ERGIC1: variants seen among roughly 807,000 people sequenced by gnomAD.
ERGIC1 encodes the protein endoplasmic reticulum-Golgi intermediate compartment protein 1.
ERGIC1 carries 19 observed loss-of-function variants against 38.3 expected under a neutral mutation model. The ratio of observed to expected loss-of-function variants is 0.50; its 90% CI spans 0.35 to 0.73. The LOEUF (loss-of-function observed/expected upper bound fraction) is 0.73. Among genes scored for constraint, ERGIC1 ranks in the 30% least tolerant of loss-of-function variants. The pLI, the probability that ERGIC1 is intolerant of heterozygous loss-of-function variation, is 0.01. For synonymous variants in ERGIC1, 124 were observed against 157.6 expected, an observed-to-expected ratio of 0.79 and a Z score of 1.60; for missense variants, 294 against 389.2, an observed-to-expected ratio of 0.76 and a Z score of 2.06.
intron 7 of ERGIC1, among the ~76,000 whole-genome samples, chr5:172,930,605 A>G (rs1336622889): frequency 1.3e-5 from 2 of 152,144 alleles, no homozygotes; most frequent in Non-Finnish European, 2.9e-5. Context: ...GGCCTCCCTA[A>G]GTGCTGGGAT....
Position 172,834,502 on chromosome 5 carries a change from G to A in ERGIC1, c.20+69G>A, listed in dbSNP as rs1033371617. 5.4e-5 allele frequency: 68 copies of A among 1,256,434 alleles called. No individual in the cohort carries two copies. Among genetic ancestry groups the A allele is most frequent in the South Asian group, 1.4e-4 (5 of 35,328 alleles). 77.8% of individuals were successfully genotyped at this position (1,256,434 alleles called of 1,614,324 possible). A position where few individuals can be genotyped will look rare whatever the true frequency, so the allele number is the denominator to read the frequency against. On this transcript the variant is annotated intron_variant, in intron 1 of 9. Coordinates refer to ENST00000393784, the MANE Select transcript of ERGIC1 (RefSeq NM_001031711.3). The surrounding 1 kb of genome is among the most constrained non-coding windows in gnomAD (Gnocchi z 4.1). ...CAGAGGGAGCGCCCCGGCACGCCGC[G>A]GACCCCTCCCGCCCTGCATGCAAAA...
chr5:172,902,770 C>T (rs1762917593), intron 3 of ERGIC1, among the ~76,000 whole-genome samples: 1 of 152,182 alleles, frequency 6.6e-6, no homozygotes, highest in African/African-American at 2.4e-5. Flanking sequence ...CCACCCCACC[C>T]CAAGCCCTTG....
chr5:172,849,295 C>G (rs1251157371), intron 1 of ERGIC1, among the ~76,000 whole-genome samples: 12 of 152,156 alleles, frequency 7.9e-5, no homozygotes, highest in Non-Finnish European at 1.3e-4. Flanking sequence ...GCCAGTTTCC[C>G]TAATCACCTG....
rs138465705 is a variant in ERGIC1 at position 172,950,817 on chromosome 5, C to T, written c.*1C>T. ...GATCCAGCTGGGCAAGATGCATTGA[C>T]GCCACACCCAGCCTAATGGCCGAGG... On this transcript the variant is annotated 3_prime_UTR_variant, in exon 10 of 10. Transcript: ENST00000393784. The T allele has an allele frequency of 8.2e-5, 132 of 1,606,338 alleles. No homozygotes were observed. The African/African-American group carries it at 1.5e-3, about 18-fold the overall frequency.
intron 1 of ERGIC1, among the ~76,000 whole-genome samples, chr5:172,883,307 C>T (rs142210819): frequency 1.3e-4 from 20 of 152,194 alleles, no homozygotes; most frequent in South Asian, 4.1e-4. Flanking sequence ...ACAGTGCTGC[C>T]GGCCAATCTG....
Position 172,923,965 on chromosome 5 carries a change from G to A in ERGIC1, c.376-40G>A, listed in dbSNP as rs781489853. Reference sequence around the variant, plus strand: ...AGGCCCCAATGTTCCGCCCCCTGGAGAAGTCAACCAAACTCCTGAAACTCA... The same window carrying A: ...AGGCCCCAATGTTCCGCCCCCTGGAAAAGTCAACCAAACTCCTGAAACTCA... On this transcript the variant is annotated intron_variant, in intron 5 of 9. Transcript: ENST00000393784. 69 of 1,590,358 alleles carry A rather than the reference G, an allele frequency of 4.3e-5. No individual in the cohort carries two copies. In the Admixed American group the frequency reaches 1.1e-3, roughly 25 times the overall value.
At chr5:172,920,501 C>A in intron 5 of ERGIC1, 1 of 714,700 alleles carries the variant, frequency 1.4e-6, no homozygotes, top group Non-Finnish European at 2.6e-6. Context: ...GGTATGGGGC[C>A]TGGCTCCAGC....
At position 172,909,841 on chromosome 5, in the gene ERGIC1, C is replaced by T. The variant is rs537107579; in HGVS notation, c.250+80C>T. 2.0e-4 allele frequency: 255 copies of T among 1,252,688 alleles called. No homozygotes were observed. In the African/African-American group the frequency reaches 3.4e-3, roughly 17 times the overall value. 77.6% of individuals were successfully genotyped at this position (1,252,688 alleles called of 1,614,324 possible). A position where few individuals can be genotyped will look rare whatever the true frequency, so the allele number is the denominator to read the frequency against. On this transcript the variant is annotated intron_variant, in intron 4 of 9. Transcript: ENST00000393784. The stretch of plus-strand genomic sequence containing the variant: ...TGTGTGTGCAGAAATGGCAAGATCT[C>T]CAGGACAAGCCAAGCCAACATATGG...
chr5:172,862,504 C>T (rs1475811607), intron 1 of ERGIC1, among the ~76,000 whole-genome samples: 1 of 152,092 alleles, frequency 6.6e-6, no homozygotes, highest in African/African-American at 2.4e-5. Context: ...TGCCCTTCAG[C>T]TGTAAGATCC....
chr5:172,851,154 T>C (rs1417028860), intron 1 of ERGIC1, among the ~76,000 whole-genome samples: 1 of 147,744 alleles, frequency 6.8e-6, no homozygotes, highest in Non-Finnish European at 1.5e-5. Context: ...TGAGCCGAGA[T>C]TGCACAACTG....
rs1281371949 is a variant in ERGIC1 at position 172,834,669 on chromosome 5, AG to A, written c.20+237del. The stretch of plus-strand genomic sequence containing the variant: ...AAATCCACCCACCTTCCCTCCGCCG[AG>A]CCCCCTCCCCAGCCTGCCCGGATAC... On this transcript the variant is annotated intron_variant, in intron 1 of 9. Transcript: ENST00000393784. This position sits in a 1 kb window ranked among gnomAD's most constrained non-coding sequence, Gnocchi z 4.1. Among the ~76,000 whole-genome samples the A allele has an allele frequency of 7.3e-6, 1 of 136,898 alleles. No individual in the cohort carries two copies. Among genetic ancestry groups the A allele is most frequent in the Admixed American group, 7.6e-5 (1 of 13,178 alleles). The allele number at this position is 136,898 out of a possible 152,430, so 89.8% of individuals were successfully genotyped here.
At chr5:172,919,427 G>A (rs757409699) in intron 5 of ERGIC1, among the ~76,000 whole-genome samples, 3 of 152,166 alleles carry the variant, frequency 2.0e-5, no homozygotes, top group Non-Finnish European at 2.9e-5. Flanking sequence ...GACAACCCAC[G>A]AGACAGCCCT....
chr5:172,857,250 AT>A (rs1401679754), intron 1 of ERGIC1, among the ~76,000 whole-genome samples: 1 of 152,164 alleles, frequency 6.6e-6, no homozygotes, highest in Admixed American at 6.5e-5. Flanking sequence ...GATGAAATGA[AT>A]GGGGCTGAGA....
rs899214098 is a variant in ERGIC1, at chr5:172,945,729, G to A, written c.766-4980G>A. On this transcript the variant is annotated intron_variant, in intron 9 of 9. Coordinates refer to ENST00000393784, the MANE Select transcript of ERGIC1 (RefSeq NM_001031711.3). ...CAACAGAGTCTTGCTCTGTGACCTC[G>A]CCTGGAGTGCAGTGGCTGAATCTCG... 3.3e-5 allele frequency among the ~76,000 whole-genome samples: 5 copies of A among 151,940 alleles called. No homozygotes were observed. In the East Asian group the frequency reaches 5.8e-4, roughly 18 times the overall value.
chr5:172,920,667 C>A, intron 5 of ERGIC1: 1 of 552,830 alleles, frequency 1.8e-6, no homozygotes, highest in Non-Finnish European at 3.3e-6. Context: ...TCCTGAGTCA[C>A]AGCCTCGCAC....
chr5:172,861,187 A>G (rs1163602125), intron 1 of ERGIC1, among the ~76,000 whole-genome samples: 1 of 151,918 alleles, frequency 6.6e-6, no homozygotes, highest in Non-Finnish European at 1.5e-5. Context: ...CCAGCCACAC[A>G]CCCACCTCAG....
intron 7 of ERGIC1, 72 bp from the exon 8 acceptor site, chr5:172,932,358 CTTAGGA>C: frequency 5.4e-6 from 8 of 1,475,468 alleles, no homozygotes; most frequent in Non-Finnish European, 7.5e-6. Context: ...GGAATTTAGG[CTTAGGA>C]TTGAAATGAC....
intron 7 of ERGIC1, among the ~76,000 whole-genome samples, chr5:172,928,375 C>T (rs1176655938): frequency 1.3e-5 from 2 of 152,204 alleles, no homozygotes; most frequent in African/African-American, 4.8e-5. Flanking sequence ...GGCACTGGGC[C>T]GTTGCCTTTG....
chr5:172,930,841 A>G (rs1175716932), intron 7 of ERGIC1, among the ~76,000 whole-genome samples: 2 of 152,162 alleles, frequency 1.3e-5, no homozygotes, highest in Non-Finnish European at 2.9e-5. Flanking sequence ...AAAGAGGTCC[A>G]GGTGTCTTTT....
Sources: gnomAD v4.1 joint callset for allele counts (sites outside exome capture counted in the v4.1 genomes callset) on GRCh38, gnomAD v4.1.1 for gene constraint, Gnocchi (gnomAD v3.1) non-coding constraint, MANE v1.5 for transcripts, NCBI Gene and HGNC (gene_info 2026-07-23, HGNC 2026-07-21) for gene names.